The following SLC39A8 variants were observed in gnomAD, a reference collection of about 807,000 sequenced individuals.
SLC39A8 encodes the protein metal cation symporter ZIP8.
In SLC39A8, 15 loss-of-function variants were observed where a neutral mutation model predicts 40.4. The ratio of observed to expected loss-of-function variants is 0.37; its 90% confidence interval spans 0.25 to 0.57. The LOEUF (loss-of-function observed/expected upper bound fraction) is 0.57, where lower values mean the gene tolerates loss of function less well. Among genes scored for constraint, SLC39A8 ranks in the 20% least tolerant of loss-of-function variants. The pLI, the probability that SLC39A8 is intolerant of heterozygous loss-of-function variation, is 0.75. For synonymous variants in SLC39A8, 223 were observed against 221.6 expected, an observed-to-expected ratio of 1.01 and a Z score of -0.06; for missense variants, 472 against 558.8, an observed-to-expected ratio of 0.84 and a Z score of 1.57.
In SLC39A8 at chr4:102,344,459, C is replaced by G; in HGVS notation, c.204G>C (p.Gln68His). 6.5e-7 allele frequency: 1 copy of G among 1,540,280 alleles called. No individual in the cohort carries two copies. The highest frequency in any genetic ancestry group is 8.8e-7 in the Non-Finnish European group (1 of 1,142,382). ...GCGGCCTTACCTGGTTGAAGTGCAG[C>G]TGGCCAGGCTCCGGGACGCCCACGC... ...ASRVGVPEPG[Q>H]LHFNQCLTAE... The change falls in exon 2 of 9, where the codon CAG (glutamine) becomes CAC (histidine). Residue 68 changes from glutamine (Q) to histidine (H), a missense_variant. Gln to His is a conservative substitution (Grantham distance 24). Around this residue, in one of 4 missense-constraint regions of SLC39A8, gnomAD observed 175 missense variants for 160.5 expected, o/e 1.09. Coordinates refer to ENST00000356736, the MANE Select transcript of SLC39A8 (RefSeq NM_001135146.2).
intron 2 of SLC39A8, among the ~76,000 whole-genome samples, chr4:102,339,080 C>G (rs1296710277): frequency 6.6e-6 from 1 of 152,134 alleles, no homozygotes; most frequent in East Asian, 1.9e-4. Flanking sequence ...ACATCACAGT[C>G]AAATGAATTA....
At chr4:102,335,924 C>T (rs1279688120) in intron 2 of SLC39A8, among the ~76,000 whole-genome samples, 1 of 152,042 alleles carries the variant, frequency 6.6e-6, no homozygotes, top group East Asian at 1.9e-4. Context: ...TTTTAGTTGA[C>T]AGACGCTTGG....
chr4:102,263,015 T>G lies in SLC39A8; in HGVS notation c.*29A>C, dbSNP rs368525973. 2.5e-6 allele frequency: 4 copies of G among 1,581,612 alleles called. No homozygotes were observed. The African/African-American group carries it at 5.4e-5, about 21-fold the overall frequency. ...AGATGTTTTTATCTATTAAATGCCTTTATTAACAACACCATCTTCCATTTT... is the reference window on the plus strand; with the variant it reads ...AGATGTTTTTATCTATTAAATGCCTGTATTAACAACACCATCTTCCATTTT... On this transcript the variant is annotated 3_prime_UTR_variant, in exon 9 of 9. Transcript: ENST00000356736.
At chr4:102,327,981 T>A (rs770782416) in intron 2 of SLC39A8, among the ~76,000 whole-genome samples, 1 of 152,082 alleles carries the variant, frequency 6.6e-6, no homozygotes, top group Non-Finnish European at 1.5e-5. Context: ...CTGATATCAG[T>A]GTTTCTAAGT....
chr4:102,321,062 G>A (rs1365587155), intron 2 of SLC39A8, among the ~76,000 whole-genome samples: 1 of 151,994 alleles, frequency 6.6e-6, no homozygotes, highest in Non-Finnish European at 1.5e-5. Flanking sequence ...TGACAACCAG[G>A]AAGGAAATAG....
intron 2 of SLC39A8, among the ~76,000 whole-genome samples, chr4:102,324,788 G>A (rs908536990): frequency 2.0e-5 from 3 of 152,142 alleles, no homozygotes; most frequent in Non-Finnish European, 2.9e-5. Context: ...AAGATCCCAA[G>A]AGAGCAATTG....
downstream of SLC39A8, among the ~76,000 whole-genome samples, chr4:102,261,116 G>A (rs1051721485): frequency 2.8e-5 from 4 of 140,952 alleles, no homozygotes; most frequent in Non-Finnish European, 6.1e-5. Context: ...GAAAGAAGCT[G>A]TAGTAACATC....
At chr4:102,253,764 T>C (rs1391599519) in intron 11 of SLC39A8, among the ~76,000 whole-genome samples, 1 of 152,112 alleles carries the variant, frequency 6.6e-6, no homozygotes, top group Non-Finnish European at 1.5e-5. Context: ...CCTACTAATG[T>C]ACTAGAAAAT....
At chr4:102,298,157 A>T (rs1255659830) in intron 6 of SLC39A8, among the ~76,000 whole-genome samples, 1 of 151,980 alleles carries the variant, frequency 6.6e-6, no homozygotes, top group Non-Finnish European at 1.5e-5. Flanking sequence ...ATAAGAAATA[A>T]GAATTTTGTG....
chr4:102,256,009 C>A (rs1249160757), intron 11 of SLC39A8, among the ~76,000 whole-genome samples: 1 of 152,082 alleles, frequency 6.6e-6, no homozygotes, highest in African/African-American at 2.4e-5. Context: ...TTCATGGAAA[C>A]ACAAAAGATA....
chr4:102,285,015 T>C (rs980461770), intron 6 of SLC39A8, among the ~76,000 whole-genome samples: 8 of 152,184 alleles, frequency 5.3e-5, no homozygotes, highest in African/African-American at 1.9e-4. Context: ...TTTTATCCAC[T>C]TTCACTAAGT....
chr4:102,251,791 C>T (rs1268153554), exon 12 of SLC39A8: 1 of 152,228 alleles, frequency 6.6e-6, no homozygotes, highest in Non-Finnish European at 1.5e-5. Flanking sequence ...GTTCCAATTT[C>T]TCATCATTGA....
chr4:102,295,548 G>A (rs1733643909), intron 6 of SLC39A8, among the ~76,000 whole-genome samples: 1 of 151,942 alleles, frequency 6.6e-6, no homozygotes, highest in Admixed American at 6.6e-5. Flanking sequence ...TCAACATTTT[G>A]TTTGTTTGTT....
intron 2 of SLC39A8, among the ~76,000 whole-genome samples, chr4:102,336,130 C>G (rs1735662655): frequency 6.6e-6 from 1 of 152,118 alleles, no homozygotes; most frequent in South Asian, 2.1e-4. Flanking sequence ...AGTCTTATAT[C>G]TTTATTGAGT....
chr4:102,285,414 C>A (rs540887267), intron 6 of SLC39A8, among the ~76,000 whole-genome samples: 12 of 152,216 alleles, frequency 7.9e-5, no homozygotes, highest in Admixed American at 2.6e-4. Context: ...TCAAATTTCA[C>A]TACCTAATCA....
intron 2 of SLC39A8, among the ~76,000 whole-genome samples, chr4:102,329,642 G>C (rs75289977): frequency 1.5e-5 from 2 of 137,456 alleles, no homozygotes; most frequent in Non-Finnish European, 1.6e-5. Context: ...AAAAAAAAAA[G>C]ATTCAAGTCT....
At chr4:102,281,895 G>T (rs1243275991) in intron 6 of SLC39A8, among the ~76,000 whole-genome samples, 1 of 152,180 alleles carries the variant, frequency 6.6e-6, no homozygotes, top group Admixed American at 6.5e-5. Context: ...GAAATATACA[G>T]AATACACCAC....
At chr4:102,254,356 AT>A (rs1305253885) in intron 11 of SLC39A8, among the ~76,000 whole-genome samples, 2 of 152,234 alleles carry the variant, frequency 1.3e-5, no homozygotes, top group African/African-American at 4.8e-5. Context: ...TATGTGTTTT[AT>A]TGAACAAATG....
chr4:102,255,421 C>G (rs1178990441), intron 11 of SLC39A8, among the ~76,000 whole-genome samples: 1 of 152,180 alleles, frequency 6.6e-6, no homozygotes, highest in Non-Finnish European at 1.5e-5. Context: ...TCCAATCAGT[C>G]CCCATAGCTT....
Sources: allele counts gnomAD v4.1 joint callset (sites outside exome capture counted in the v4.1 genomes callset), GRCh38; gene constraint gnomAD v4.1.1; regional missense constraint gnomAD v4.1.1; transcripts MANE v1.5; gene names NCBI Gene and HGNC (gene_info 2026-07-23, HGNC 2026-07-21).